Variants in NBEA observed in about 807,000 individuals in gnomAD.
The protein encoded by NBEA is lysosomal-trafficking regulator 2.
A neutral mutation model predicts 343.4 loss-of-function variants in NBEA; 44 were observed. That is an observed-to-expected ratio of 0.13 (90% confidence interval 0.10 to 0.16). The LOEUF (loss-of-function observed/expected upper bound fraction) is 0.16, where lower values mean the gene tolerates loss of function less well. Ranked by LOEUF, NBEA falls within the 10% of genes least tolerant of loss-of-function variation. The pLI, the probability that NBEA is intolerant of heterozygous loss-of-function variation, is 1.00. For missense variants in NBEA, 2,555 were observed against 3,631.3 expected (o/e 0.70, Z 7.62); for synonymous variants, 1,175 against 1,238.7 (o/e 0.95, Z 1.08).
chr13:35,070,961 A>G, intron 10 of NBEA, 109 bp downstream of exon 10: 2 of 1,250,524 alleles, frequency 1.6e-6, no homozygotes, highest in Non-Finnish European at 2.1e-6. Flanking sequence ...TTCTGCCCTT[A>G]AAGTGTAATA....
At chr13:35,129,627 A>T (rs1389000624) in intron 17 of NBEA, among the ~76,000 whole-genome samples, 1 of 152,048 alleles carries the variant, frequency 6.6e-6, no homozygotes, top group East Asian at 1.9e-4. Flanking sequence ...AGAGAGGGGG[A>T]AAAAAGGAAA....
intron 1 of NBEA, among the ~76,000 whole-genome samples, chr13:35,009,213 G>A (rs2061407689): frequency 6.6e-6 from 1 of 152,166 alleles, no homozygotes; most frequent in Non-Finnish European, 1.5e-5. Context: ...GTATAGTAGT[G>A]TACAAAGCAA....
chr13:35,039,607 A>C (rs1281770097), intron 1 of NBEA, among the ~76,000 whole-genome samples: 3 of 152,190 alleles, frequency 2.0e-5, no homozygotes, highest in Non-Finnish European at 4.4e-5. Flanking sequence ...TATCTGTAAA[A>C]TGAAGATAAT....
chr13:35,120,268 C>T (rs796453693), intron 16 of NBEA, among the ~76,000 whole-genome samples: 53 of 151,938 alleles, frequency 3.5e-4, no homozygotes, highest in African/African-American at 1.2e-3. Context: ...ATGTATGGTA[C>T]GAAAGAACTA....
At chr13:35,137,928 C>A (rs1482880107) in intron 17 of NBEA, among the ~76,000 whole-genome samples, 1 of 151,684 alleles carries the variant, frequency 6.6e-6, no homozygotes. Flanking sequence ...TAAAAAAAAC[C>A]TTTGATGCCA....
In NBEA at chr13:35,597,615, C is replaced by G. The variant is rs758650932; in HGVS notation, c.7296+4168C>G. 5.3e-5 allele frequency among the ~76,000 whole-genome samples: 8 copies of G among 152,192 alleles called. No homozygotes were observed. In the South Asian group the frequency reaches 1.7e-3, roughly 32 times the overall value. On this transcript the variant is annotated intron_variant, in intron 47 of 58. Transcript: ENST00000379939. ...TCCTATGAGGTAGTAGTCATTAACCCTATTTTGTAAAGGAGGTTCATGAAT... is the reference window on the plus strand; with the variant it reads ...TCCTATGAGGTAGTAGTCATTAACCGTATTTTGTAAAGGAGGTTCATGAAT...
intron 1 of NBEA, among the ~76,000 whole-genome samples, chr13:35,000,243 A>G (rs926948389): frequency 2.0e-5 from 3 of 152,158 alleles, no homozygotes; most frequent in African/African-American, 7.2e-5. Flanking sequence ...GGAGAAAATA[A>G]TGGGATACAG....
At chr13:35,660,289 A>G (rs1378681262) in intron 55 of NBEA, among the ~76,000 whole-genome samples, 1 of 152,230 alleles carries the variant, frequency 6.6e-6, no homozygotes, top group Non-Finnish European at 1.5e-5. Flanking sequence ...TGTAGTTTTA[A>G]TGTTTATACC....
At chr13:35,207,553 ATATT>A (rs2073478536) in intron 31 of NBEA, among the ~76,000 whole-genome samples, 1 of 152,272 alleles carries the variant, frequency 6.6e-6, no homozygotes, top group Admixed American at 6.5e-5. Context: ...GAAAATTTAG[ATATT>A]TATTAAGTTA....
At chr13:35,466,579 C>T (rs974613072) in intron 40 of NBEA, among the ~76,000 whole-genome samples, 1 of 152,126 alleles carries the variant, frequency 6.6e-6, no homozygotes, top group Non-Finnish European at 1.5e-5. Context: ...GGGATCCTCC[C>T]ACCTCAGCTT....
chr13:35,357,511 C>T (rs1414231481), intron 38 of NBEA, among the ~76,000 whole-genome samples: 1 of 152,032 alleles, frequency 6.6e-6, no homozygotes, highest in Admixed American at 6.6e-5. Context: ...CATGTGTTCT[C>T]ATCATTTAGC....
intron 36 of NBEA, among the ~76,000 whole-genome samples, chr13:35,310,889 T>G (rs889525709): frequency 2.6e-5 from 4 of 152,222 alleles, no homozygotes; most frequent in Non-Finnish European, 5.9e-5. Context: ...ATGGTATAGA[T>G]ACCCAATTTT....
intron 38 of NBEA, among the ~76,000 whole-genome samples, chr13:35,359,075 G>C (rs1300027005): frequency 1.3e-5 from 2 of 152,138 alleles, no homozygotes; most frequent in Non-Finnish European, 2.9e-5. Context: ...ATCACGTTAA[G>C]GATTTGTGAC....
intron 17 of NBEA, among the ~76,000 whole-genome samples, chr13:35,138,267 G>A (rs1291634746): frequency 6.6e-6 from 1 of 151,708 alleles, no homozygotes. Context: ...TATTTTTGGA[G>A]GTCAGTTCAG....
intron 38 of NBEA, among the ~76,000 whole-genome samples, chr13:35,357,651 A>G (rs1431793861): frequency 6.6e-6 from 1 of 152,144 alleles, no homozygotes; most frequent in Non-Finnish European, 1.5e-5. Flanking sequence ...ATGGCTGCAT[A>G]GTATTCCATC....
intron 41 of NBEA, among the ~76,000 whole-genome samples, chr13:35,486,893 A>T (rs2076322352): frequency 6.6e-6 from 1 of 152,036 alleles, no homozygotes; most frequent in Non-Finnish European, 1.5e-5. Flanking sequence ...AATTGGACTA[A>T]TTCACCTAGA....
At chr13:35,025,925 T>C (rs1218525907) in intron 1 of NBEA, among the ~76,000 whole-genome samples, 1 of 152,180 alleles carries the variant, frequency 6.6e-6, no homozygotes, top group African/African-American at 2.4e-5. Flanking sequence ...ATTAGCTCCT[T>C]ATTCCTATTC....
chr13:35,096,263 C>A (rs1358302412), intron 10 of NBEA, among the ~76,000 whole-genome samples: 2 of 147,798 alleles, frequency 1.4e-5, no homozygotes, highest in Non-Finnish European at 1.5e-5. Context: ...TAAATTAAAA[C>A]GACTTTTGTT....
chr13:35,022,133 A>T (rs547000747), intron 1 of NBEA, among the ~76,000 whole-genome samples: 1 of 152,116 alleles, frequency 6.6e-6, no homozygotes, highest in African/African-American at 2.4e-5. Context: ...GGCCATTAAC[A>T]CTTCATTTTT....
Sources: allele counts gnomAD v4.1 joint callset (sites outside exome capture counted in the v4.1 genomes callset), GRCh38; gene constraint gnomAD v4.1.1; transcripts MANE v1.5; gene names NCBI Gene and HGNC (gene_info 2026-07-23, HGNC 2026-07-21).